Variants in EYS observed in about 807,000 individuals in gnomAD.
The protein encoded by EYS is protein eyes shut homolog.
A neutral mutation model predicts 282.1 loss-of-function variants in EYS; 250 were observed. The ratio of observed to expected loss-of-function variants is 0.89; its 90% CI spans 0.80 to 0.98. EYS has a LOEUF of 0.98. Among genes scored for constraint, EYS ranks in the 50% least tolerant of loss-of-function variants. The pLI, the probability that EYS is intolerant of heterozygous loss-of-function variation, is 0.00. For synonymous variants in EYS, 1,355 were observed against 1,282.9 expected (o/e 1.06, Z -1.20); for missense variants, 4,016 against 3,709.0 (o/e 1.08, Z -2.15).
In EYS at chr6:64,159,671, T is replaced by C. The variant is rs973832764; in HGVS notation, c.6424+70921A>G. On this transcript the variant is annotated intron_variant, in intron 31 of 42. Transcript: ENST00000503581. ...CTTGTTGATGTGAAACCCACAGATA[T>C]GGAAGCTGATTGCATTTTAACTATC... Among the ~76,000 whole-genome samples, 3 of 151,866 alleles carry C rather than the reference T, an allele frequency of 2.0e-5. No individual in the cohort carries two copies. The East Asian group carries it at 5.8e-4, about 29-fold the overall frequency.
At chr6:65,023,768 C>T (rs1302760397) in intron 13 of EYS, among the ~76,000 whole-genome samples, 5 of 152,140 alleles carry the variant, frequency 3.3e-5, no homozygotes, top group South Asian at 2.1e-4. Flanking sequence ...AAAGTATGCA[C>T]GTGTAGTGCA....
intron 21 of EYS, among the ~76,000 whole-genome samples, chr6:64,815,660 C>T (rs1268859314): frequency 6.6e-6 from 1 of 151,906 alleles, no homozygotes; most frequent in Non-Finnish European, 1.5e-5. Flanking sequence ...TAATAAAGTG[C>T]TTTCCCAAAG....
intron 11 of EYS, among the ~76,000 whole-genome samples, chr6:65,317,825 C>CCTTCCTTCCTTCCTTCCTTT (rs1562092985): frequency 3.7e-4 from 30 of 81,146 alleles, no homozygotes; most frequent in Non-Finnish European, 4.8e-4. Context: ...TTCCTTCCTT[C>CCTTCCTTCCTTCCTTCCTTT]CTTTCTTTCT....
chr6:65,524,584 TG>T (rs2127301013), intron 2 of EYS, among the ~76,000 whole-genome samples: 1 of 152,308 alleles, frequency 6.6e-6, no homozygotes, highest in South Asian at 2.1e-4. Context: ...ACAATTTCAC[TG>T]TTTTATCAAA....
chr6:64,827,618 A>C (rs763980622), intron 19 of EYS, among the ~76,000 whole-genome samples: 14 of 151,920 alleles, frequency 9.2e-5, no homozygotes, highest in Non-Finnish European at 1.9e-4. Context: ...ACAATAATTT[A>C]TGGACTTAAG....
chr6:64,511,251 G>GAT (rs981753687), intron 26 of EYS, among the ~76,000 whole-genome samples: 2 of 146,960 alleles, frequency 1.4e-5, no homozygotes, highest in South Asian at 2.1e-4. Context: ...ATATATATAT[G>GAT]ATATATATAT....
chr6:63,780,866 GT>G (rs1562022946), intron 39 of EYS, among the ~76,000 whole-genome samples: 1 of 152,168 alleles, frequency 6.6e-6, no homozygotes, highest in East Asian at 1.9e-4. Flanking sequence ...TTCTTCTAGG[GT>G]TTTTATGGTT....
At chr6:65,052,664 G>A (rs1379121304) in intron 13 of EYS, among the ~76,000 whole-genome samples, 1 of 151,370 alleles carries the variant, frequency 6.6e-6, no homozygotes, top group African/African-American at 2.4e-5. Flanking sequence ...ATTATATCAG[G>A]GAAAGTGAAA....
chr6:64,976,473 G>A (rs562015042), intron 14 of EYS, among the ~76,000 whole-genome samples: 10 of 151,830 alleles, frequency 6.6e-5, no homozygotes, highest in African/African-American at 2.4e-4. Context: ...GACAAATTCA[G>A]TATCTGCTGA....
chr6:65,462,917 G>C (rs1218399682), intron 5 of EYS, among the ~76,000 whole-genome samples: 2 of 151,912 alleles, frequency 1.3e-5, no homozygotes, highest in African/African-American at 4.8e-5. Context: ...CAATAATCAA[G>C]CTTGTTCTCT....
At chr6:64,206,564 A>G (rs946644041) in intron 31 of EYS, among the ~76,000 whole-genome samples, 1 of 152,148 alleles carries the variant, frequency 6.6e-6, no homozygotes, top group Non-Finnish European at 1.5e-5. Context: ...CTTGTCATGA[A>G]TTTTATGATA....
chr6:65,124,217 T>G (rs891964247), intron 12 of EYS, among the ~76,000 whole-genome samples: 1 of 151,982 alleles, frequency 6.6e-6, no homozygotes, highest in East Asian at 1.9e-4. Context: ...AAAAAAACAT[T>G]GAAAGCAAAA....
At chr6:65,378,476 C>T (rs765777571) in intron 8 of EYS, among the ~76,000 whole-genome samples, 27 of 152,040 alleles carry the variant, frequency 1.8e-4, no homozygotes, top group Admixed American at 1.5e-3. Context: ...GACAGTGTGG[C>T]GATTCCTCAA....
At chr6:65,513,385 T>C (rs1348733499) in intron 2 of EYS, among the ~76,000 whole-genome samples, 1 of 152,124 alleles carries the variant, frequency 6.6e-6, no homozygotes, top group Non-Finnish European at 1.5e-5. Context: ...GTACCATTCC[T>C]TCTGAAACTA....
rs566862517 is a variant in EYS, at chr6:64,129,697, TCCTTGTCCATG to T, written c.6425-47706_6425-47696del. 2.7e-3 allele frequency among the ~76,000 whole-genome samples: 415 copies of T among 152,360 alleles called. 3 individuals are homozygous for T. Among genetic ancestry groups the T allele is most frequent in the African/African-American group, 9.5e-3 (395 of 41,584 alleles). On this transcript the variant is annotated intron_variant, in intron 31 of 42. Transcript: ENST00000503581. ...TGCTTTTGGTGTTTTAGACATGAAG[TCCTTGTCCATG>T]CCTATGTCCTGAATGGTATTGCCTA...
At chr6:65,613,565 G>C (rs1243933352) in intron 2 of EYS, among the ~76,000 whole-genome samples, 1 of 151,784 alleles carries the variant, frequency 6.6e-6, no homozygotes, top group Non-Finnish European at 1.5e-5. Flanking sequence ...TCAAATACAT[G>C]ATCTGATTGC....
chr6:63,884,588 C>T (rs200286306), intron 35 of EYS, among the ~76,000 whole-genome samples: 2 of 152,120 alleles, frequency 1.3e-5, no homozygotes, highest in East Asian at 1.9e-4. Flanking sequence ...TGACCAAGTT[C>T]GTGCATGGGG....
At chr6:64,245,642 G>C (rs1404569236) in intron 30 of EYS, among the ~76,000 whole-genome samples, 1 of 152,020 alleles carries the variant, frequency 6.6e-6, no homozygotes, top group Non-Finnish European at 1.5e-5. Flanking sequence ...GCTGGTTCCT[G>C]TCTCATGGTG....
intron 24 of EYS, among the ~76,000 whole-genome samples, chr6:64,598,610 A>G (rs1174504399): frequency 1.3e-5 from 2 of 152,228 alleles, no homozygotes; most frequent in Non-Finnish European, 2.9e-5. Flanking sequence ...TTAGAGCTTT[A>G]TGAGAATATG....
Sources: allele counts gnomAD v4.1 joint callset (sites outside exome capture counted in the v4.1 genomes callset), GRCh38; gene constraint gnomAD v4.1.1; transcripts MANE v1.5; gene names NCBI Gene and HGNC (gene_info 2026-07-23, HGNC 2026-07-21).